Variants in FBXO11 observed in about 807,000 individuals in gnomAD.
FBXO11 encodes F-box protein 11.
In FBXO11, 13 loss-of-function variants were observed where a neutral mutation model predicts 117.0. The ratio of observed to expected loss-of-function variants is 0.11; its 90% CI spans 0.07 to 0.18. The LOEUF (loss-of-function observed/expected upper bound fraction) is 0.18, where lower values mean the gene tolerates loss of function less well. Among genes scored for constraint, FBXO11 ranks in the 10% least tolerant of loss-of-function variants. The probability of loss-of-function intolerance (pLI) is 1.00; values close to 1 mark genes in which losing one functional copy is unlikely to be tolerated. For synonymous variants in FBXO11, 490 were observed against 380.5 expected, an observed-to-expected ratio of 1.29 and a Z score of -3.35; for missense variants, 767 against 1,164.4, an observed-to-expected ratio of 0.66 and a Z score of 4.97.
At chr2:47,869,069 T>C (rs1009795922) in intron 1 of FBXO11, among the ~76,000 whole-genome samples, 2 of 152,242 alleles carry the variant, frequency 1.3e-5, no homozygotes, top group African/African-American at 4.8e-5. Flanking sequence ...GGCAAAGTTC[T>C]ACAGGAGACT....
chr2:47,901,092 TATAC>T (rs1371362990), intron 1 of FBXO11, among the ~76,000 whole-genome samples: 2 of 122,610 alleles, frequency 1.6e-5, no homozygotes, highest in South Asian at 2.6e-4. Context: ...TGTACATATA[TATAC>T]ATATATATGT....
At chr2:47,810,153 C>T (rs1558401573) in intron 19 of FBXO11, 163 bp downstream of exon 19, 1 of 562,106 alleles carries the variant, frequency 1.8e-6, no homozygotes, top group South Asian at 2.5e-5. Flanking sequence ...GTAGAAGAAT[C>T]CAGAACTTGA....
At chr2:47,836,979 C>G in intron 4 of FBXO11, 1 of 354,410 alleles carries the variant, frequency 2.8e-6, no homozygotes, top group Non-Finnish European at 5.5e-6. Context: ...CTCAAGTAAT[C>G]TGCCCACTTC....
intron 1 of FBXO11, among the ~76,000 whole-genome samples, chr2:47,887,314 G>C (rs1362764809): frequency 1.3e-5 from 2 of 148,422 alleles, no homozygotes; most frequent in Non-Finnish European, 3.0e-5. Context: ...GGAGGGGGGA[G>C]ACAAGACCCT....
At position 47,807,617 on chromosome 2, in the gene FBXO11, C is replaced by G. The variant is rs1214811594; in HGVS notation, c.*501G>C. 4.5e-6 allele frequency: 1 copy of G among 220,122 alleles called. No individual in the cohort carries two copies. Among genetic ancestry groups the G allele is most frequent in the Non-Finnish European group, 9.1e-6 (1 of 109,802 alleles). The allele number at this position is 220,122 out of a possible 1,614,324, so 13.6% of individuals were successfully genotyped here. ...GATTTTGCTTGAAATTAAAAACAAA[C>G]TACATGAGATTAAAGCATTAAAATC... On this transcript the variant is annotated 3_prime_UTR_variant, in exon 23 of 23. Transcript: ENST00000403359.
intron 16 of FBXO11, among the ~76,000 whole-genome samples, chr2:47,818,261 T>C (rs1671146288): frequency 6.6e-6 from 1 of 152,184 alleles, no homozygotes; most frequent in Non-Finnish European, 1.5e-5. Context: ...GCCACAAAAC[T>C]TCAATTTGTG....
At position 47,835,102 on chromosome 2, in the gene FBXO11, A is replaced by G. The variant is rs189826766; in HGVS notation, c.718-231T>C. 4.5e-3 allele frequency among the ~76,000 whole-genome samples: 678 copies of G among 152,348 alleles called. 2 individuals are homozygous for G. The highest frequency in any genetic ancestry group is 0.017 in the Middle Eastern group (5 of 294). ...CTCAGCATTACTGATATTTTAAGTC[A>G]GTTAATTCTTTGTTATGGGGGCTGT... is the stretch of plus-strand genomic sequence containing the variant. On this transcript the variant is annotated intron_variant, in intron 5 of 22. Coordinates refer to ENST00000403359, the MANE Select transcript of FBXO11 (RefSeq NM_001190274.2).
chr2:47,847,222 G>A (rs780496979), intron 1 of FBXO11, among the ~76,000 whole-genome samples: 1 of 152,190 alleles, frequency 6.6e-6, no homozygotes, highest in Non-Finnish European at 1.5e-5. Flanking sequence ...TCCAGCCTGA[G>A]TGACAGAGTG....
Position 47,834,584 on chromosome 2 carries a change from C to A in FBXO11, c.929G>T (p.Gly310Val). The A allele has an allele frequency of 6.4e-7, 1 of 1,567,160 alleles. No homozygotes were observed. The highest frequency in any genetic ancestry group is 1.2e-5 in the South Asian group (1 of 82,176). ...GACAATGCATTTCAAAATACCTGCA[C>A]CAATCATGGTGATTGGAGATTCAAT... ...IYIESPITMI[G>V]AAPGKVADKV... The change falls in exon 7 of 23, where the codon GGT (glycine) becomes GTT (valine). Residue 310 changes from glycine (G) to valine (V), a missense_variant. Transcript: ENST00000403359.
At chr2:47,842,164 C>T (rs148143142) in intron 1 of FBXO11, among the ~76,000 whole-genome samples, 10,882 of 151,236 alleles carry the variant, frequency 0.072, 554 homozygotes, top group Non-Finnish European at 0.11. Flanking sequence ...TACAGGTGCA[C>T]GCCACTATGG....
At chr2:47,881,210 C>T (rs976363251) in intron 1 of FBXO11, among the ~76,000 whole-genome samples, 6 of 152,150 alleles carry the variant, frequency 3.9e-5, no homozygotes, top group African/African-American at 1.2e-4. Flanking sequence ...CAAGATTGCG[C>T]CACTGTCCTC....
intron 11 of FBXO11, among the ~76,000 whole-genome samples, chr2:47,829,122 T>C (rs1319179734): frequency 6.6e-6 from 1 of 152,140 alleles, no homozygotes. Flanking sequence ...CTTGAACTCC[T>C]GGGCTCAAGG....
intron 18 of FBXO11, 56 bp from the exon 19 acceptor site, chr2:47,810,482 T>G: frequency 9.4e-7 from 1 of 1,061,752 alleles, no homozygotes; most frequent in Non-Finnish European, 1.4e-6. Flanking sequence ...ACTACTAACC[T>G]TTTTGGTGGT....
rs1670246311 is a variant in FBXO11 at position 47,806,946 on chromosome 2, A to T, written c.*1172T>A. The T allele has an allele frequency of 8.8e-6, 9 of 1,027,660 alleles. No homozygotes were observed. Among genetic ancestry groups the T allele is most frequent in the South Asian group, 2.7e-5 (2 of 73,816 alleles). The allele number at this position is 1,027,660 out of a possible 1,614,324, so 63.7% of individuals were successfully genotyped here. ...TATGATCTAATAAACTTTATTTTTT[A>T]AAAATGACCATTTTTCCATTTTCTT... On this transcript the variant is annotated 3_prime_UTR_variant, in exon 23 of 23. Coordinates refer to ENST00000403359, the MANE Select transcript of FBXO11 (RefSeq NM_001190274.2).
chr2:47,840,272 G>A (rs547757930), intron 1 of FBXO11, among the ~76,000 whole-genome samples: 1 of 151,974 alleles, frequency 6.6e-6, no homozygotes, highest in African/African-American at 2.4e-5. Context: ...AAAAAGGTGA[G>A]GAGGATATCC....
intron 1 of FBXO11, among the ~76,000 whole-genome samples, chr2:47,854,963 G>C (rs1186063039): frequency 6.6e-6 from 1 of 150,596 alleles, no homozygotes; most frequent in African/African-American, 2.4e-5. Flanking sequence ...AAGAAACTAA[G>C]GCACAATAAA....
chr2:47,890,001 AAAGAAAG>A, intron 1 of FBXO11, among the ~76,000 whole-genome samples: 1 of 152,366 alleles, frequency 6.6e-6, no homozygotes. Flanking sequence ...CTTATCCTGG[AAAGAAAG>A]AATCACTGGT....
chr2:47,856,525 A>G (rs1015840782), intron 1 of FBXO11, among the ~76,000 whole-genome samples: 1 of 152,204 alleles, frequency 6.6e-6, no homozygotes, highest in East Asian at 1.9e-4. Context: ...AGATAGTAGG[A>G]AACTTGGAAA....
Position 47,900,890 on chromosome 2 carries a change from G to GTATATACACACACGTGTA in FBXO11, c.232+4598_232+4599insTACACGTGTGTGTATATA, listed in dbSNP as rs1553362441. Among the ~76,000 whole-genome samples, 7 of 123,118 alleles carry GTATATACACACACGTGTA rather than the reference G, an allele frequency of 5.7e-5. 1 individual carries two copies. The East Asian group carries it at 9.2e-4, about 16-fold the overall frequency. The allele number at this position is 123,118 out of a possible 152,430, so 80.8% of individuals were successfully genotyped here. A position where few individuals can be genotyped will look rare whatever the true frequency, so the allele number is the denominator to read the frequency against. On this transcript the variant is annotated intron_variant, in intron 1 of 22. Transcript: ENST00000403359. ...CACACACACGTGTATATATATACACGTATATATACACACATATATATGTAT... is the reference window on the plus strand; with the variant it reads ...CACACACACGTGTATATATATACACGTATATACACACACGTGTATATATATACACACATATATATGTAT...
Sources: gnomAD v4.1 joint callset for allele counts (sites outside exome capture counted in the v4.1 genomes callset) on GRCh38, gnomAD v4.1.1 for gene constraint, MANE v1.5 for transcripts, NCBI Gene and HGNC (gene_info 2026-07-23, HGNC 2026-07-21) for gene names.